Variants in MRPS31 observed in about 807,000 individuals in gnomAD.
MRPS31 encodes small ribosomal subunit protein mS31.
In MRPS31, 32 loss-of-function variants were observed where a neutral mutation model predicts 43.1. That is an observed-to-expected ratio of 0.74 (90% CI 0.56 to 1.00). The LOEUF (loss-of-function observed/expected upper bound fraction) is 1.00, where lower values mean the gene tolerates loss of function less well. MRPS31 is among the 50% of genes least tolerant of loss of function. The pLI, the probability that MRPS31 is intolerant of heterozygous loss-of-function variation, is 0.00. For missense variants in MRPS31, 437 were observed against 466.7 expected, an observed-to-expected ratio of 0.94 and a Z score of 0.59; for synonymous variants, 165 against 161.6, an observed-to-expected ratio of 1.02 and a Z score of -0.16.
At position 40,729,287 on chromosome 13, in the gene MRPS31, C is replaced by T. The variant is rs988802168; in HGVS notation, c.*85G>A. 43 of 705,844 alleles carry T rather than the reference C, an allele frequency of 6.1e-5. No homozygotes were observed. Among genetic ancestry groups the T allele is most frequent in the Admixed American group, 2.7e-4 (9 of 33,844 alleles). 43.7% of individuals were successfully genotyped at this position (705,844 alleles called of 1,614,324 possible). On this transcript the variant is annotated 3_prime_UTR_variant, in exon 7 of 7. Transcript: ENST00000323563. ...CAGCCAAATCAAATGTAATAATCAA[C>T]ATAACATATACAAACTCTAGTAAAA... is the stretch of plus-strand genomic sequence containing the variant.
At chr13:40,738,165 C>G (rs1269225085) in intron 6 of MRPS31, among the ~76,000 whole-genome samples, 1 of 151,752 alleles carries the variant, frequency 6.6e-6, no homozygotes, top group Non-Finnish European at 1.5e-5. Context: ...AACACCTCTA[C>G]GCAAATAAAC....
Position 40,729,574 on chromosome 13 carries a change from T to C in MRPS31, c.986A>G (p.His329Arg), listed in dbSNP as rs1364125309. The change falls in exon 7 of 7, where the codon CAT (histidine) becomes CGT (arginine). Residue 329 changes from histidine to arginine, a missense_variant. Transcript: ENST00000323563. ...AGFDDDGSEF[H>R]EHIFLEKHLE... is the part of the protein sequence containing the mutation. ...GTGTTTCTCCAGAAATATATGTTCA[T>C]GAAATTCTGAACCATCATCATCAAA... The C allele has an allele frequency of 2.5e-6, 4 of 1,613,306 alleles. No individual in the cohort carries two copies. In the African/African-American group the frequency reaches 5.3e-5, roughly 22 times the overall value.
intron 4 of MRPS31, among the ~76,000 whole-genome samples, chr13:40,756,054 T>C (rs1439097277): frequency 1.3e-5 from 2 of 152,214 alleles, no homozygotes; most frequent in Non-Finnish European, 2.9e-5. Flanking sequence ...CTGACCACCT[T>C]TTCCAACTTT....
At chr13:40,742,828 A>G (rs1880139662) in intron 6 of MRPS31, among the ~76,000 whole-genome samples, 1 of 152,194 alleles carries the variant, frequency 6.6e-6, no homozygotes, top group Admixed American at 6.5e-5. Flanking sequence ...AAGCATATCA[A>G]AAATTAGCCT....
intron 1 of MRPS31, among the ~76,000 whole-genome samples, chr13:40,770,171 C>T (rs1162893568): frequency 1.3e-5 from 2 of 152,202 alleles, no homozygotes; most frequent in Non-Finnish European, 2.9e-5. Flanking sequence ...CGTCACATCC[C>T]TTTAATTCTA....
intron 6 of MRPS31, among the ~76,000 whole-genome samples, chr13:40,738,171 T>A (rs915195048): frequency 6.6e-6 from 1 of 151,630 alleles, no homozygotes; most frequent in African/African-American, 2.4e-5. Context: ...TCTACGCAAA[T>A]AAACTAGAAA....
chr13:40,758,130 G>A (rs1012099205), intron 3 of MRPS31, among the ~76,000 whole-genome samples: 14 of 145,730 alleles, frequency 9.6e-5, no homozygotes, highest in Non-Finnish European at 1.2e-4. Context: ...GCGACAGAGC[G>A]AGACTCCGTC....
At chr13:40,768,367 A>C (rs1183241933) in intron 1 of MRPS31, among the ~76,000 whole-genome samples, 2 of 139,060 alleles carry the variant, frequency 1.4e-5, no homozygotes, top group African/African-American at 5.8e-5. Context: ...CCCACCCCCC[A>C]ACTAGGAGGG....
At chr13:40,764,250 C>T (rs1187084784) in intron 2 of MRPS31, among the ~76,000 whole-genome samples, 1 of 152,182 alleles carries the variant, frequency 6.6e-6, no homozygotes, top group Non-Finnish European at 1.5e-5. Flanking sequence ...GCACAAGCCC[C>T]TTACATAAAA....
At chr13:40,759,555 A>G (rs1318011683) in intron 2 of MRPS31, among the ~76,000 whole-genome samples, 1 of 152,232 alleles carries the variant, frequency 6.6e-6, no homozygotes, top group Non-Finnish European at 1.5e-5. Context: ...GGTGTTCAAA[A>G]AAGTATTCAA....
intron 6 of MRPS31, among the ~76,000 whole-genome samples, chr13:40,737,946 A>G (rs933763458): frequency 6.6e-6 from 1 of 152,100 alleles, no homozygotes; most frequent in Non-Finnish European, 1.5e-5. Flanking sequence ...TCAGAGCACA[A>G]CTGAAGGAAA....
At chr13:40,763,753 G>A (rs752035102) in intron 2 of MRPS31, among the ~76,000 whole-genome samples, 1 of 152,132 alleles carries the variant, frequency 6.6e-6, no homozygotes, top group African/African-American at 2.4e-5. Flanking sequence ...TTGATGAACA[G>A]AACAAGATAG....
rs1028046606 is a variant in MRPS31 at position 40,770,719 on chromosome 13, G to A, written c.152+266C>T. On this transcript the variant is annotated intron_variant, in intron 1 of 6. Coordinates refer to ENST00000323563, the MANE Select transcript of MRPS31 (RefSeq NM_005830.4). ...TGAGACTATCAAATAAATCTTGGGA[G>A]GCAAAAGATAAAAACCTGGGTAAAC... 3 of 437,588 alleles carry A rather than the reference G, an allele frequency of 6.9e-6. No individual in the cohort carries two copies. The East Asian group carries it at 1.5e-4, about 22-fold the overall frequency. 27.1% of individuals were successfully genotyped at this position (437,588 alleles called of 1,614,324 possible). A position where few individuals can be genotyped will look rare whatever the true frequency, so the allele number is the denominator to read the frequency against.
chr13:40,760,400 A>G (rs1880662883), intron 2 of MRPS31, among the ~76,000 whole-genome samples: 1 of 152,114 alleles, frequency 6.6e-6, no homozygotes, highest in South Asian at 2.1e-4. Flanking sequence ...ATAAATCATC[A>G]TCAAGTAGGA....
chr13:40,729,766 T>C (rs1415345640), intron 6 of MRPS31, among the ~76,000 whole-genome samples, 165 bp from the exon 7 acceptor site: 1 of 151,482 alleles, frequency 6.6e-6, no homozygotes, highest in Non-Finnish European at 1.5e-5. Context: ...TCTTGCTCTG[T>C]TGCTCAGGTT....
chr13:40,761,934 A>G (rs1236351464), intron 2 of MRPS31, among the ~76,000 whole-genome samples: 2 of 151,274 alleles, frequency 1.3e-5, no homozygotes, highest in Admixed American at 6.6e-5. Flanking sequence ...AAAAAAAAAA[A>G]AGAAAGAAAG....
At chr13:40,759,262 C>T (rs1264554585) in intron 2 of MRPS31, among the ~76,000 whole-genome samples, 156 bp from the exon 3 acceptor site, 1 of 152,060 alleles carries the variant, frequency 6.6e-6, no homozygotes, top group East Asian at 1.9e-4. Flanking sequence ...CATGGTGAAA[C>T]CCCATTTCTA....
At chr13:40,729,654 A>G in intron 6 of MRPS31, 53 bp from the exon 7 acceptor site, 1 of 1,137,668 alleles carries the variant, frequency 8.8e-7, no homozygotes, top group South Asian at 1.4e-5. Flanking sequence ...CAAAACCTAC[A>G]TCATAAAAAT....
chr13:40,735,086 C>T (rs1034635047), intron 6 of MRPS31, among the ~76,000 whole-genome samples: 9 of 152,142 alleles, frequency 5.9e-5, no homozygotes, highest in Admixed American at 5.2e-4. Flanking sequence ...GCACCTTGCG[C>T]GAGCCGAAAG....
Sources: allele counts gnomAD v4.1 joint callset (sites outside exome capture counted in the v4.1 genomes callset), GRCh38; gene constraint gnomAD v4.1.1; transcripts MANE v1.5; gene names NCBI Gene and HGNC (gene_info 2026-07-23, HGNC 2026-07-21).